LARP1: variants seen among roughly 807,000 people sequenced by gnomAD.
The protein encoded by LARP1 is La ribonucleoprotein 1, translational regulator.
LARP1 carries 36 observed loss-of-function variants against 122.7 expected under a neutral mutation model. The ratio of observed to expected loss-of-function variants is 0.29; its 90% CI spans 0.22 to 0.39. LARP1 has a LOEUF of 0.39. Among genes scored for constraint, LARP1 ranks in the 10% least tolerant of loss-of-function variants. LARP1 has a pLI of 1.00. For missense variants in LARP1, 1,040 were observed against 1,403.6 expected (o/e 0.74, Z 4.14); for synonymous variants, 539 against 528.7 (o/e 1.02, Z -0.27).
intron 1 of LARP1, among the ~76,000 whole-genome samples, chr5:154,733,656 A>G (rs1756714154): frequency 6.6e-6 from 1 of 151,234 alleles, no homozygotes; most frequent in East Asian, 2.0e-4. Flanking sequence ...TCTGCCTTCC[A>G]GGTTCAAGCT....
chr5:154,777,625 A>AT (rs1425710517), intron 1 of LARP1, among the ~76,000 whole-genome samples: 1 of 152,186 alleles, frequency 6.6e-6, no homozygotes, highest in Non-Finnish European at 1.5e-5. Context: ...ATTTTTAAAG[A>AT]TTTTTTAAAA....
intron 1 of LARP1, among the ~76,000 whole-genome samples, chr5:154,771,568 C>A (rs1032623660): frequency 6.6e-6 from 1 of 152,212 alleles, no homozygotes; most frequent in Non-Finnish European, 1.5e-5. Flanking sequence ...TTGTACATAT[C>A]CTGCCAGGAA....
chr5:154,752,285 T>G (rs992672611), upstream of LARP1, among the ~76,000 whole-genome samples: 1 of 152,118 alleles, frequency 6.6e-6, no homozygotes, highest in Non-Finnish European at 1.5e-5. Context: ...CTCTGTCACC[T>G]AGGATGGAGT....
At position 154,802,868 on chromosome 5, in the gene LARP1, G is replaced by A. The variant is rs930246433; in HGVS notation, c.2110-422G>A. Among the ~76,000 whole-genome samples the A allele has an allele frequency of 1.3e-5, 2 of 152,300 alleles. No individual in the cohort carries two copies. Among genetic ancestry groups the A allele is most frequent in the African/African-American group, 4.8e-5 (2 of 41,556 alleles). On this transcript the variant is annotated intron_variant, in intron 11 of 18. Transcript: ENST00000518297. This position sits in a 1 kb window ranked among gnomAD's most constrained non-coding sequence, Gnocchi z 5.1. Reference sequence around the variant, plus strand: ...TGGGATTTTAGAGTGGGTATGTTTGGTGGTAGGTTGTCCTAGGGTGAGCCT... The same window carrying A: ...TGGGATTTTAGAGTGGGTATGTTTGATGGTAGGTTGTCCTAGGGTGAGCCT...
chr5:154,807,316 T>C (rs1758867396), intron 15 of LARP1, among the ~76,000 whole-genome samples: 1 of 152,190 alleles, frequency 6.6e-6, no homozygotes, highest in African/African-American at 2.4e-5. Context: ...ACAGGTTTCC[T>C]GTAGACGTAG....
Position 154,808,451 on chromosome 5 carries a change from C to G in LARP1, c.2699-8C>G, listed in dbSNP as rs1435240670. 1.9e-6 allele frequency: 3 copies of G among 1,608,962 alleles called. No homozygotes were observed. The highest frequency in any genetic ancestry group is 1.7e-6 in the Non-Finnish European group (2 of 1,178,010). On this transcript the variant is annotated splice_region_variant and splice_polypyrimidine_tract_variant and intron_variant, in intron 15 of 18. Transcript: ENST00000518297. Reference sequence around the variant, plus strand: ...GAGACATGCCTTTCCTCCTTTCTTTCCCATCAGAGCGGAAACGCTTGGGCA... The same window carrying G: ...GAGACATGCCTTTCCTCCTTTCTTTGCCATCAGAGCGGAAACGCTTGGGCA...
chr5:154,721,805 A>G (rs767157938), intron 1 of LARP1, among the ~76,000 whole-genome samples: 1 of 152,162 alleles, frequency 6.6e-6, no homozygotes, highest in Non-Finnish European at 1.5e-5. Flanking sequence ...AAGGGGTTGT[A>G]ATGTATTTGT....
intron 10 of LARP1, among the ~76,000 whole-genome samples, chr5:154,800,989 T>G (rs572647355): frequency 6.6e-6 from 1 of 152,328 alleles, no homozygotes; most frequent in South Asian, 2.1e-4. Context: ...CTACAAAGTT[T>G]TGTTTGAAAC....
chr5:154,785,521 C>A (rs1756810292), intron 1 of LARP1, among the ~76,000 whole-genome samples: 1 of 152,136 alleles, frequency 6.6e-6, no homozygotes, highest in South Asian at 2.1e-4. Context: ...TTTAACTGTT[C>A]CAGCAGCCAT....
chr5:154,689,291 A>C (rs1754082792), intron 1 of LARP1, among the ~76,000 whole-genome samples: 4 of 152,200 alleles, frequency 2.6e-5, no homozygotes, highest in Admixed American at 2.0e-4. Context: ...GTCTCTACCA[A>C]AAATACAAAA....
upstream of LARP1, among the ~76,000 whole-genome samples, chr5:154,709,018 C>G (rs1755086895): frequency 6.6e-6 from 1 of 152,144 alleles, no homozygotes; most frequent in African/African-American, 2.4e-5. Context: ...GATTGCGTAC[C>G]ACGGTGACTC....
intron 1 of LARP1, among the ~76,000 whole-genome samples, chr5:154,759,278 G>A (rs1370441993): frequency 6.6e-6 from 1 of 151,956 alleles, no homozygotes; most frequent in Admixed American, 6.6e-5. Flanking sequence ...GGTCTTGGTG[G>A]GACTTTTCCC....
intron 1 of LARP1, among the ~76,000 whole-genome samples, chr5:154,728,480 G>A (rs1360980953): frequency 2.6e-5 from 4 of 152,078 alleles, no homozygotes; most frequent in African/African-American, 9.7e-5. Flanking sequence ...GAGGACTTGC[G>A]TTTTCGGTAT....
chr5:154,811,731 C>A, intron 18 of LARP1, 91 bp downstream of exon 18: 1 of 1,515,594 alleles, frequency 6.6e-7, no homozygotes. Context: ...AGCTGTGCCC[C>A]TAGCCCAGGA....
At chr5:154,689,991 A>T (rs1045962992) in intron 1 of LARP1, among the ~76,000 whole-genome samples, 1 of 152,234 alleles carries the variant, frequency 6.6e-6, no homozygotes. Context: ...CACTGAGCAG[A>T]GATCGCGCCG....
intron 1 of LARP1, among the ~76,000 whole-genome samples, chr5:154,722,849 T>C (rs1325881073): frequency 6.6e-6 from 1 of 151,948 alleles, no homozygotes; most frequent in Non-Finnish European, 1.5e-5. Flanking sequence ...CCCAGCTAAT[T>C]TTTGTATTTT....
At chr5:154,710,742 C>CA (rs35253134), upstream of LARP1, among the ~76,000 whole-genome samples, 10,160 of 92,252 alleles carry the variant, frequency 0.11, 530 homozygotes, top group East Asian at 0.25. Flanking sequence ...GACTCCATCT[C>CA]AAAAAAAAAA....
At chr5:154,783,347 CCT>C in intron 1 of LARP1, among the ~76,000 whole-genome samples, 2 of 152,242 alleles carry the variant, frequency 1.3e-5, no homozygotes, top group East Asian at 1.9e-4. Flanking sequence ...GTTTCCCTTG[CCT>C]CTCTGGGTAG....
intron 16 of LARP1, among the ~76,000 whole-genome samples, chr5:154,809,253 C>T (rs1234096171): frequency 6.6e-6 from 1 of 151,326 alleles, no homozygotes; most frequent in East Asian, 1.9e-4. Context: ...TCACTTGAGC[C>T]CAGGAGTTCG....
Sources: allele counts gnomAD v4.1 joint callset (sites outside exome capture counted in the v4.1 genomes callset), GRCh38; gene constraint gnomAD v4.1.1; non-coding constraint Gnocchi (gnomAD v3.1); transcripts MANE v1.5; gene names NCBI Gene and HGNC (gene_info 2026-07-23, HGNC 2026-07-21).